TXNDC8: variants seen among roughly 807,000 people sequenced by gnomAD.
TXNDC8 encodes the protein thioredoxin domain-containing protein 8.
A neutral mutation model predicts 12.9 loss-of-function variants in TXNDC8; 15 were observed. The ratio of observed to expected loss-of-function variants is 1.16; its 90% CI spans 0.78 to 1.79. The LOEUF (loss-of-function observed/expected upper bound fraction) is 1.79. Ranked by LOEUF, TXNDC8 falls within the 40% of genes most tolerant of loss-of-function variation. The pLI, the probability that TXNDC8 is intolerant of heterozygous loss-of-function variation, is 0.00. For synonymous variants in TXNDC8, 40 were observed against 35.4 expected (o/e 1.13, Z -0.46); for missense variants, 128 against 113.2 (o/e 1.13, Z -0.59).
intron 3 of TXNDC8, 24 bp downstream of exon 4, chr9:110,326,151 C>T (rs922936031): frequency 1.9e-5 from 31 of 1,613,570 alleles, no homozygotes; most frequent in Non-Finnish European, 2.5e-5. Context: ...TAATTCAACC[C>T]TGCTGGTTAC....
In TXNDC8 at chr9:110,320,152, A is replaced by T. The variant is rs115014845; in HGVS notation, c.195+6023T>A. Among the ~76,000 whole-genome samples the T allele has an allele frequency of 3.1e-3, 469 of 151,920 alleles. 2 individuals are homozygous for T. The highest frequency in any genetic ancestry group is 0.011 in the African/African-American group (449 of 41,440). ...TTTAAGCAGTTGCCCCAAACTTGCT[A>T]ATTCTTGGTTTCTCTTTCCCTACTC... On this transcript the variant is annotated intron_variant, in intron 3 of 4. Transcript: ENST00000423740.
At chr9:110,305,585 T>C (rs1453423869) in intron 3 of TXNDC8, among the ~76,000 whole-genome samples, 1 of 140,912 alleles carries the variant, frequency 7.1e-6, no homozygotes, top group African/African-American at 3.1e-5. Context: ...TTTCTTTCTT[T>C]CTTTCTTTCT....
At chr9:110,322,980 C>G in intron 3 of TXNDC8, 1 of 985,394 alleles carries the variant, frequency 1.0e-6, no homozygotes, top group Non-Finnish European at 1.2e-6. Context: ...CAGAGAAAGG[C>G]TTGGAGCAGT....
chr9:110,310,787 T>C (rs148299153), intron 3 of TXNDC8, among the ~76,000 whole-genome samples: 12 of 152,332 alleles, frequency 7.9e-5, no homozygotes, highest in African/African-American at 2.9e-4. Flanking sequence ...AATCAAGCAA[T>C]TTCATACTTA....
At chr9:110,332,576 G>A (rs1466339375) in intron 2 of TXNDC8, among the ~76,000 whole-genome samples, 1 of 151,812 alleles carries the variant, frequency 6.6e-6, no homozygotes, top group Non-Finnish European at 1.5e-5. Context: ...TAGCTGTATA[G>A]TCTTTACATT....
At chr9:110,313,089 A>G in intron 3 of TXNDC8, among the ~76,000 whole-genome samples, 1 of 152,070 alleles carries the variant, frequency 6.6e-6, no homozygotes, top group Admixed American at 6.5e-5. Flanking sequence ...TATTTTTAGT[A>G]GAGACAGGGT....
chr9:110,313,583 C>T (rs1480421369), intron 3 of TXNDC8, among the ~76,000 whole-genome samples: 2 of 152,144 alleles, frequency 1.3e-5, no homozygotes, highest in Non-Finnish European at 2.9e-5. Context: ...TGCCTGTAAT[C>T]CCAGCTACTT....
chr9:110,303,193 T>C (rs951591777), downstream of TXNDC8, among the ~76,000 whole-genome samples: 1 of 152,174 alleles, frequency 6.6e-6, no homozygotes, highest in African/African-American at 2.4e-5. Flanking sequence ...CTGGGAAGAA[T>C]TGGATCTTTG....
intron 3 of TXNDC8, among the ~76,000 whole-genome samples, chr9:110,304,977 A>G (rs1055503191): frequency 2.0e-5 from 3 of 151,864 alleles, no homozygotes; most frequent in African/African-American, 7.3e-5. Context: ...GCAAAACCCC[A>G]TCTCTACCAA....
chr9:110,323,975 G>A (rs1007171612), intron 3 of TXNDC8: 13 of 1,550,610 alleles, frequency 8.4e-6, no homozygotes, highest in Middle Eastern at 1.7e-4. Context: ...GGAGTTCACT[G>A]GTTGGTGTAG....
intron 3 of TXNDC8, among the ~76,000 whole-genome samples, chr9:110,320,864 T>C (rs1465918113): frequency 6.6e-6 from 1 of 152,236 alleles, no homozygotes; most frequent in Non-Finnish European, 1.5e-5. Context: ...ATGTCCTAGA[T>C]GAAAACACTA....
intron 4 of TXNDC8, 198 bp from the exon 6 acceptor site, chr9:110,303,781 T>C: frequency 7.2e-7 from 1 of 1,386,042 alleles, no homozygotes; most frequent in South Asian, 1.4e-5. Context: ...TCAAAATTAC[T>C]TTTGCTAAAA....
At chr9:110,302,892 T>C (rs965644021), downstream of TXNDC8, among the ~76,000 whole-genome samples, 2 of 152,022 alleles carry the variant, frequency 1.3e-5, no homozygotes, top group Admixed American at 6.6e-5. Flanking sequence ...AGTGAACCCC[T>C]GTTTCTACTA....
chr9:110,316,635 C>G (rs1838894774), intron 3 of TXNDC8, among the ~76,000 whole-genome samples: 1 of 152,218 alleles, frequency 6.6e-6, no homozygotes, highest in Admixed American at 6.5e-5. Context: ...TTTTCCTTAT[C>G]TATACTGGCC....
chr9:110,336,386 C>T lies in TXNDC8; in HGVS notation c.24+1387G>A, dbSNP rs1015058932. On this transcript the variant is annotated intron_variant, in intron 1 of 4. Coordinates refer to ENST00000423740, the MANE Select transcript of TXNDC8 (RefSeq NM_001286946.2). Reference sequence around the variant, plus strand: ...TAACTAACTTTTCAGAGAACCTTGCCAAGCCTTTATTTCTCACTTGCTTCT... The same window carrying T: ...TAACTAACTTTTCAGAGAACCTTGCTAAGCCTTTATTTCTCACTTGCTTCT... 8.5e-5 allele frequency among the ~76,000 whole-genome samples: 13 copies of T among 152,202 alleles called. No homozygotes were observed. The East Asian group carries it at 9.7e-4, about 11-fold the overall frequency.
intron 3 of TXNDC8, among the ~76,000 whole-genome samples, chr9:110,313,860 C>A (rs1360724458): frequency 6.6e-6 from 1 of 152,154 alleles, no homozygotes; most frequent in Non-Finnish European, 1.5e-5. Context: ...ATAAGCTTTC[C>A]TAATAACTTG....
chr9:110,313,609 G>A (rs7044261), intron 3 of TXNDC8, among the ~76,000 whole-genome samples: 4,294 of 152,258 alleles, frequency 0.028, 205 homozygotes, highest in African/African-American at 0.097. Context: ...GCTGAGGCAG[G>A]AGAATCACTT....
rs575374174 is a variant in TXNDC8 at position 110,331,791 on chromosome 9, C to T, written c.129+2425G>A. On this transcript the variant is annotated intron_variant, in intron 2 of 4. Coordinates refer to ENST00000423740, the MANE Select transcript of TXNDC8 (RefSeq NM_001286946.2). ...CACTCCTATGAAAACCTAATGCTGC[C>T]GCTAATATAACAGGAGGCAGAGCTC... Among the ~76,000 whole-genome samples, 5 of 152,184 alleles carry T rather than the reference C, an allele frequency of 3.3e-5. No homozygotes were observed. In the East Asian group the frequency reaches 5.8e-4, roughly 18 times the overall value.
intron 3 of TXNDC8, chr9:110,323,949 C>T: frequency 1.3e-6 from 2 of 1,550,834 alleles, no homozygotes; most frequent in Non-Finnish European, 1.7e-6. Context: ...GTCAAGGGTC[C>T]ATTTCTGATG....
Sources: gnomAD v4.1 joint callset for allele counts (sites outside exome capture counted in the v4.1 genomes callset) on GRCh38, gnomAD v4.1.1 for gene constraint, MANE v1.5 for transcripts, NCBI Gene and HGNC (gene_info 2026-07-23, HGNC 2026-07-21) for gene names.